Variants in HECW1 observed in about 807,000 individuals in gnomAD.
HECW1 encodes HECT, C2 and WW domain containing E3 ubiquitin protein ligase 1, also known as E3 ubiquitin-protein ligase HECW1.
In HECW1, 61 loss-of-function variants were observed where a neutral mutation model predicts 182.3. The ratio of observed to expected loss-of-function variants is 0.33; its 90% CI spans 0.27 to 0.41. The LOEUF (loss-of-function observed/expected upper bound fraction) is 0.41. Among genes scored for constraint, HECW1 ranks in the 10% least tolerant of loss-of-function variants. The probability of loss-of-function intolerance (pLI) is 1.00; values close to 1 mark genes in which losing one functional copy is unlikely to be tolerated. For missense variants in HECW1, 1,739 were observed against 2,108.9 expected (o/e 0.82, Z 3.44); for synonymous variants, 859 against 832.6 (o/e 1.03, Z -0.55).
At chr7:43,315,499 T>G (rs896044750) in intron 4 of HECW1, among the ~76,000 whole-genome samples, 5 of 151,070 alleles carry the variant, frequency 3.3e-5, no homozygotes, top group African/African-American at 1.2e-4. Context: ...ATTATCATTA[T>G]TACTATTATT....
intron 6 of HECW1, among the ~76,000 whole-genome samples, chr7:43,384,763 G>A (rs750893706): frequency 9.9e-5 from 15 of 152,058 alleles, no homozygotes; most frequent in South Asian, 2.1e-4. Context: ...CATCTATTCC[G>A]TGAGAGGGAG....
At chr7:43,199,299 A>G (rs1400272552) in intron 2 of HECW1, among the ~76,000 whole-genome samples, 1 of 152,254 alleles carries the variant, frequency 6.6e-6, no homozygotes, top group African/African-American at 2.4e-5. Context: ...GTAGCAAAGT[A>G]TATTATCTGT....
chr7:43,405,431 T>C (rs1202711911), intron 7 of HECW1, among the ~76,000 whole-genome samples: 1 of 152,050 alleles, frequency 6.6e-6, no homozygotes, highest in Non-Finnish European at 1.5e-5. Context: ...TAGGGCAAAG[T>C]CTGGAGGAAG....
intron 7 of HECW1, among the ~76,000 whole-genome samples, chr7:43,399,332 C>T (rs956742788): frequency 6.6e-6 from 1 of 152,208 alleles, no homozygotes; most frequent in Non-Finnish European, 1.5e-5. Context: ...TTCACTGTCT[C>T]AGTTATAATT....
At chr7:43,366,309 A>C (rs1448100686) in intron 6 of HECW1, among the ~76,000 whole-genome samples, 1 of 152,140 alleles carries the variant, frequency 6.6e-6, no homozygotes, top group East Asian at 1.9e-4. Flanking sequence ...CCTCCACATC[A>C]GTCTGAGTCT....
At chr7:43,422,617 C>T (rs982207563) in intron 8 of HECW1, among the ~76,000 whole-genome samples, 2 of 152,042 alleles carry the variant, frequency 1.3e-5, no homozygotes, top group African/African-American at 4.8e-5. Context: ...GATCTACCTG[C>T]CTCAGCCTCC....
intron 2 of HECW1, among the ~76,000 whole-genome samples, chr7:43,118,750 C>A (rs1785288098): frequency 6.6e-6 from 1 of 152,040 alleles, no homozygotes; most frequent in South Asian, 2.1e-4. Context: ...AGGATTGTTG[C>A]CAGCTTTATT....
intron 6 of HECW1, among the ~76,000 whole-genome samples, chr7:43,394,804 C>T (rs902046078): frequency 3.3e-5 from 5 of 152,132 alleles, no homozygotes; most frequent in African/African-American, 1.2e-4. Flanking sequence ...CATGCAGAGC[C>T]GGCTGTGCTG....
chr7:43,258,989 A>G (rs897427158), intron 3 of HECW1, among the ~76,000 whole-genome samples: 3 of 152,172 alleles, frequency 2.0e-5, no homozygotes, highest in African/African-American at 7.2e-5. Context: ...TGAAATATGA[A>G]TGATCTCTTT....
chr7:43,140,614 A>G (rs1308248189), intron 2 of HECW1, among the ~76,000 whole-genome samples: 1 of 152,172 alleles, frequency 6.6e-6, no homozygotes, highest in Non-Finnish European at 1.5e-5. Context: ...CTAGTCTTAA[A>G]TTACGTGATT....
At chr7:43,482,249 C>CT (rs1387451386) in intron 17 of HECW1, among the ~76,000 whole-genome samples, 1 of 152,114 alleles carries the variant, frequency 6.6e-6, no homozygotes, top group Non-Finnish European at 1.5e-5. Flanking sequence ...GACTCGGCCT[C>CT]TAAGAAAATA....
intron 3 of HECW1, among the ~76,000 whole-genome samples, chr7:43,246,115 A>G (rs905656036): frequency 1.3e-5 from 2 of 149,994 alleles, no homozygotes; most frequent in African/African-American, 5.0e-5. Context: ...CCCGAGCCAT[A>G]GGGAGATCCC....
At chr7:43,480,348 G>A (rs1192557183) in intron 17 of HECW1, among the ~76,000 whole-genome samples, 2 of 151,872 alleles carry the variant, frequency 1.3e-5, no homozygotes, top group Admixed American at 6.6e-5. Context: ...CTTCTTTCTC[G>A]AGCCAAAACT....
intron 6 of HECW1, among the ~76,000 whole-genome samples, chr7:43,366,541 G>A (rs188646756): frequency 3.3e-5 from 5 of 152,308 alleles, no homozygotes; most frequent in Admixed American, 6.5e-5. Flanking sequence ...GGAATCCACA[G>A]GTTGCCGACT....
chr7:43,319,910 G>A (rs1157262392), intron 4 of HECW1, among the ~76,000 whole-genome samples: 2 of 151,072 alleles, frequency 1.3e-5, no homozygotes, highest in African/African-American at 2.4e-5. Flanking sequence ...ACTGCACCCC[G>A]CCTCCTTTCC....
rs2152967195 is a variant in HECW1 at position 43,562,316 on chromosome 7, C to T, written c.*390C>T. 1 of 239,250 alleles carries T rather than the reference C, an allele frequency of 4.2e-6. No homozygotes were observed. The allele number at this position is 239,250 out of a possible 1,614,324, so 14.8% of individuals were successfully genotyped here. The stretch of plus-strand genomic sequence containing the variant: ...GGGAAAATGTGAGCATTAAGCACTC[C>T]AGGCTTTCATATGCCCATGTCTTCT... On this transcript the variant is annotated 3_prime_UTR_variant, in exon 30 of 30. Transcript: ENST00000395891.
intron 3 of HECW1, among the ~76,000 whole-genome samples, chr7:43,308,306 A>G (rs1363370338): frequency 7.8e-6 from 1 of 129,022 alleles, no homozygotes; most frequent in African/African-American, 2.9e-5. Context: ...ATTATATGAT[A>G]TATTTATATA....
intron 16 of HECW1, 57 bp downstream of exon 16, chr7:43,469,162 G>T: frequency 6.5e-7 from 1 of 1,545,628 alleles, no homozygotes; most frequent in Non-Finnish European, 8.9e-7. Context: ...CCAGGGTGAA[G>T]CTAGCAAGGG....
At chr7:43,348,765 G>A (rs987633009) in intron 5 of HECW1, among the ~76,000 whole-genome samples, 1 of 152,078 alleles carries the variant, frequency 6.6e-6, no homozygotes, top group Non-Finnish European at 1.5e-5. Flanking sequence ...TTTCGTTTTT[G>A]ACCAGTGCTC....
Sources: allele counts gnomAD v4.1 joint callset (sites outside exome capture counted in the v4.1 genomes callset), GRCh38; gene constraint gnomAD v4.1.1; transcripts MANE v1.5; gene names NCBI Gene and HGNC (gene_info 2026-07-23, HGNC 2026-07-21).